ARHGAP32: variants seen among roughly 807,000 people sequenced by gnomAD.
ARHGAP32 encodes rho GTPase-activating protein 32.
Under a neutral mutation model 186.5 loss-of-function variants are expected in ARHGAP32, and 51 were observed. The observed-to-expected ratio is 0.27, with a 90% CI of 0.22 to 0.35. The LOEUF is 0.35. Ranked by LOEUF, ARHGAP32 falls within the 10% of genes least tolerant of loss-of-function variation. ARHGAP32 has a pLI of 1.00. For missense variants in ARHGAP32, 2,186 were observed against 2,623.5 expected, an observed-to-expected ratio of 0.83 and a Z score of 3.64; for synonymous variants, 950 against 964.3, an observed-to-expected ratio of 0.99 and a Z score of 0.27.
chr11:129,073,720 C>T (rs1940942533), intron 6 of ARHGAP32, among the ~76,000 whole-genome samples: 1 of 148,714 alleles, frequency 6.7e-6, no homozygotes, highest in African/African-American at 2.5e-5. Context: ...GCTCAGAGAA[C>T]ATAAAGCAGG....
At chr11:129,116,932 T>C (rs918484419) in intron 5 of ARHGAP32, among the ~76,000 whole-genome samples, 5 of 152,038 alleles carry the variant, frequency 3.3e-5, no homozygotes, top group African/African-American at 1.2e-4. Flanking sequence ...CCATAATACT[T>C]TATGATATAG....
intron 15 of ARHGAP32, among the ~76,000 whole-genome samples, chr11:128,984,266 T>C (rs1043782363): frequency 2.0e-5 from 3 of 151,934 alleles, no homozygotes; most frequent in African/African-American, 7.3e-5. Flanking sequence ...TCTCAGCTAC[T>C]TGGGGGGCTG....
At chr11:129,267,333 C>T (rs1485349475) in intron 1 of ARHGAP32, among the ~76,000 whole-genome samples, 2 of 152,106 alleles carry the variant, frequency 1.3e-5, no homozygotes, top group African/African-American at 2.4e-5. Flanking sequence ...CACTGCACTC[C>T]GCTCCAGCCT....
In ARHGAP32 at chr11:128,972,734, T is replaced by C; in HGVS notation, c.3772A>G (p.Lys1258Glu). 6.2e-7 allele frequency: 1 copy of C among 1,614,008 alleles called. No homozygotes were observed. Among genetic ancestry groups the C allele is most frequent in the Non-Finnish European group, 8.5e-7 (1 of 1,180,016 alleles). The change falls in exon 22 of 23, where the codon AAA becomes GAA. Residue 1258 changes from lysine (K) to glutamate (E), a missense_variant. Physicochemically the swap from Lys to Glu is moderately conservative, Grantham distance 56 (BLOSUM62 1). Coordinates refer to ENST00000682385, the MANE Select transcript of ARHGAP32 (RefSeq NM_001378024.1). Reference protein sequence around the residue: ...SPTPPNLPSDKIYPPSGSPEE... With the variant: ...SPTPPNLPSDEIYPPSGSPEE... The stretch of plus-strand genomic sequence containing the variant: ...GGGGACCCAGAAGGAGGGTAGATTT[T>C]ATCGCTAGGTAAATTAGGAGGTGTG...
chr11:129,093,638 C>T lies in ARHGAP32; in HGVS notation c.514G>A (p.Val172Met). The T allele has an allele frequency of 1.2e-6, 2 of 1,605,174 alleles. No homozygotes were observed. The highest frequency in any genetic ancestry group is 1.7e-6 in the Non-Finnish European group (2 of 1,175,362). The change falls in exon 6 of 23, where the codon GTG becomes ATG. Residue 172 changes from valine to methionine, a missense_variant. Val to Met is a conservative substitution (Grantham distance 21). Around this residue, in one of 5 missense-constraint regions of ARHGAP32, gnomAD observed 308 missense variants for 596.5 expected, o/e 0.52. Coordinates refer to ENST00000682385, the MANE Select transcript of ARHGAP32 (RefSeq NM_001378024.1). ...GCESKELVYL[V>M]QIACQGKSWI... Reference sequence around the variant, plus strand: ...AAAATCACCTGACAAGCAATCTGCACGAGGTAGACCAGCTCTTTAGATTCA... The same window carrying T: ...AAAATCACCTGACAAGCAATCTGCATGAGGTAGACCAGCTCTTTAGATTCA...
At chr11:129,199,446 C>A (rs1944432851) in intron 1 of ARHGAP32, among the ~76,000 whole-genome samples, 1 of 152,252 alleles carries the variant, frequency 6.6e-6, no homozygotes, top group Admixed American at 6.5e-5. Flanking sequence ...GACTTGGTGC[C>A]CTGTGCCCCA....
chr11:129,156,504 A>G (rs1943410980), intron 2 of ARHGAP32, among the ~76,000 whole-genome samples: 1 of 152,198 alleles, frequency 6.6e-6, no homozygotes, highest in African/African-American at 2.4e-5. Context: ...AGCCAACCAC[A>G]GAGCCACAAA....
At chr11:129,083,679 T>C (rs1452781399) in intron 6 of ARHGAP32, among the ~76,000 whole-genome samples, 1 of 152,098 alleles carries the variant, frequency 6.6e-6, no homozygotes, top group African/African-American at 2.4e-5. Flanking sequence ...CTTATCCATA[T>C]AATCAAACAC....
intron 11 of ARHGAP32, among the ~76,000 whole-genome samples, chr11:129,017,442 G>A (rs1226113040): frequency 2.2e-5 from 3 of 139,126 alleles, no homozygotes; most frequent in South Asian, 2.3e-4. Flanking sequence ...AGCAAGACCC[G>A]GTCTCAAAAA....
intron 5 of ARHGAP32, among the ~76,000 whole-genome samples, chr11:129,107,607 G>A (rs1291003536): frequency 6.6e-6 from 1 of 152,152 alleles, no homozygotes; most frequent in Non-Finnish European, 1.5e-5. Context: ...GGTGGCTCAC[G>A]CCTGTAATCC....
intron 1 of ARHGAP32, among the ~76,000 whole-genome samples, chr11:129,214,901 T>C (rs1029515208): frequency 2.6e-5 from 4 of 152,192 alleles, no homozygotes; most frequent in Non-Finnish European, 5.9e-5. Context: ...AGCAAATGCA[T>C]GGGCATGGCT....
chr11:129,205,924 T>C (rs1944509203), intron 1 of ARHGAP32, among the ~76,000 whole-genome samples: 1 of 152,082 alleles, frequency 6.6e-6, no homozygotes, highest in Non-Finnish European at 1.5e-5. Context: ...ATTTCAACCA[T>C]ATACAAAAGT....
At chr11:129,016,233 T>A (rs1199424761) in intron 11 of ARHGAP32, among the ~76,000 whole-genome samples, 1 of 152,170 alleles carries the variant, frequency 6.6e-6, no homozygotes, top group East Asian at 1.9e-4. Flanking sequence ...GTCTTTTTCT[T>A]ACTGATGAAT....
At chr11:129,236,041 G>A (rs1944927911) in intron 1 of ARHGAP32, among the ~76,000 whole-genome samples, 2 of 152,096 alleles carry the variant, frequency 1.3e-5, no homozygotes. Flanking sequence ...GCATGTGCAA[G>A]TATCTTTTTC....
chr11:129,093,585 C>T, intron 6 of ARHGAP32, 36 bp downstream of exon 6: 4 of 1,435,046 alleles, frequency 2.8e-6, no homozygotes, highest in Non-Finnish European at 3.9e-6. Context: ...TAATTCTTAA[C>T]TTCATATGAA....
chr11:129,277,145 T>C (rs1945541348), intron 1 of ARHGAP32, among the ~76,000 whole-genome samples: 1 of 152,046 alleles, frequency 6.6e-6, no homozygotes. Flanking sequence ...GTGCAGATAA[T>C]ATACTCAGGT....
chr11:129,273,789 TA>T (rs1473327182), intron 1 of ARHGAP32, among the ~76,000 whole-genome samples: 1 of 152,142 alleles, frequency 6.6e-6, no homozygotes, highest in Non-Finnish European at 1.5e-5. Flanking sequence ...GAAATCCAAA[TA>T]AGGATTTTAC....
chr11:129,220,204 T>C (rs1009714161), intron 1 of ARHGAP32, among the ~76,000 whole-genome samples: 5 of 152,166 alleles, frequency 3.3e-5, no homozygotes, highest in Non-Finnish European at 7.4e-5. Flanking sequence ...TAATGTAGCT[T>C]AAATCCCTTC....
At chr11:129,275,622 A>G (rs1565487414) in intron 1 of ARHGAP32, among the ~76,000 whole-genome samples, 1 of 152,260 alleles carries the variant, frequency 6.6e-6, no homozygotes, top group Non-Finnish European at 1.5e-5. Flanking sequence ...GAACCAGATA[A>G]TAAATACTTG....
Sources: allele counts gnomAD v4.1 joint callset (sites outside exome capture counted in the v4.1 genomes callset), GRCh38; gene constraint gnomAD v4.1.1; regional missense constraint gnomAD v4.1.1; transcripts MANE v1.5; gene names NCBI Gene and HGNC (gene_info 2026-07-23, HGNC 2026-07-21).